GSE1: variants seen among roughly 807,000 people sequenced by gnomAD.
GSE1 encodes genetic suppressor element 1.
A neutral mutation model predicts 112.6 loss-of-function variants in GSE1; 32 were observed. That is an observed-to-expected ratio of 0.28 (90% CI 0.21 to 0.38). The LOEUF is 0.38. Among genes scored for constraint, GSE1 ranks in the 10% least tolerant of loss-of-function variants. The pLI, the probability that GSE1 is intolerant of heterozygous loss-of-function variation, is 1.00. For missense variants in GSE1, 2,348 were observed against 1,699.2 expected (o/e 1.38, Z -6.71); for synonymous variants, 1,115 against 735.6 (o/e 1.52, Z -8.35).
chr16:85,620,849 C>T (rs2048687856), intron 1 of GSE1, among the ~76,000 whole-genome samples: 1 of 152,002 alleles, frequency 6.6e-6, no homozygotes, highest in Admixed American at 6.5e-5. Context: ...ATGGTCTTGG[C>T]CATGGGTGTC....
intron 1 of GSE1, among the ~76,000 whole-genome samples, chr16:85,319,170 G>A (rs530591697): frequency 1.6e-4 from 25 of 152,304 alleles, no homozygotes; most frequent in African/African-American, 5.3e-4. Context: ...ATGCCCAGGC[G>A]GTAGATTGAG....
At chr16:85,652,228 G>A (rs974692357) in intron 3 of GSE1, among the ~76,000 whole-genome samples, 3 of 152,354 alleles carry the variant, frequency 2.0e-5, no homozygotes, top group East Asian at 1.9e-4. Flanking sequence ...GTGCCGTGAC[G>A]GGCACATGCC....
intron 2 of GSE1, among the ~76,000 whole-genome samples, chr16:85,460,392 AG>A (rs1354933604): frequency 6.6e-6 from 1 of 152,224 alleles, no homozygotes; most frequent in Non-Finnish European, 1.5e-5. Flanking sequence ...CCCGTCGAGC[AG>A]GGGTGACCAC....
At chr16:85,323,246 C>T (rs113763558) in intron 1 of GSE1, among the ~76,000 whole-genome samples, 1,670 of 152,152 alleles carry the variant, frequency 0.011, 31 homozygotes, top group African/African-American at 0.038. Context: ...GTGCTGTCTC[C>T]GGGTGGGAGA....
intron 2 of GSE1, among the ~76,000 whole-genome samples, chr16:85,400,158 G>T (rs967868628): frequency 1.3e-5 from 2 of 152,214 alleles, no homozygotes; most frequent in Non-Finnish European, 2.9e-5. Flanking sequence ...GCAAAAAAAC[G>T]GAGAATGATC....
intron 1 of GSE1, among the ~76,000 whole-genome samples, chr16:85,303,833 G>A (rs2045591699): frequency 6.6e-6 from 1 of 152,238 alleles, no homozygotes. Flanking sequence ...GCGGGGTTGC[G>A]AGGGTTGCAT....
chr16:85,612,076 T>C (rs1165080386), upstream of GSE1, among the ~76,000 whole-genome samples: 1 of 149,612 alleles, frequency 6.7e-6, no homozygotes, highest in East Asian at 2.0e-4. Context: ...ATCAGAGGGG[T>C]GTTGGAAGAG....
At chr16:85,186,359 T>C (rs1047146380) in intron 1 of GSE1, among the ~76,000 whole-genome samples, 2 of 151,876 alleles carry the variant, frequency 1.3e-5, no homozygotes, top group Non-Finnish European at 2.9e-5. Context: ...AATCCCAGCA[T>C]TTTACGAGGC....
At chr16:85,483,036 G>T (rs2050731185) in intron 2 of GSE1, among the ~76,000 whole-genome samples, 1 of 151,924 alleles carries the variant, frequency 6.6e-6, no homozygotes, top group South Asian at 2.1e-4. Context: ...GCTACATCTG[G>T]AAGATTCCAC....
chr16:85,473,486 G>A (rs571110652), intron 2 of GSE1, among the ~76,000 whole-genome samples: 1 of 152,172 alleles, frequency 6.6e-6, no homozygotes, highest in African/African-American at 2.4e-5. Flanking sequence ...GGCAGGGCCG[G>A]GCTCTCTCCA....
upstream of GSE1, among the ~76,000 whole-genome samples, chr16:85,553,049 CT>C (rs11431375): frequency 2.5e-4 from 37 of 150,002 alleles, no homozygotes; most frequent in East Asian, 3.5e-3. Flanking sequence ...AAATAGTTTT[CT>C]TTTTTTTTTC....
chr16:85,384,918 GATCCGGCCTTGC>G (rs2047652915), intron 2 of GSE1, among the ~76,000 whole-genome samples: 1 of 152,384 alleles, frequency 6.6e-6, no homozygotes, highest in East Asian at 1.9e-4. Context: ...GCAGGTAGGA[GATCCGGCCTTGC>G]ATCCGGCCTG....
chr16:85,295,947 G>A (rs1170282955), intron 1 of GSE1, among the ~76,000 whole-genome samples: 2 of 151,998 alleles, frequency 1.3e-5, no homozygotes, highest in Non-Finnish European at 2.9e-5. Flanking sequence ...GCCCTTATTT[G>A]TAAAAGGAAG....
chr16:85,281,221 G>A (rs1275156865), intron 1 of GSE1, among the ~76,000 whole-genome samples: 1 of 152,140 alleles, frequency 6.6e-6, no homozygotes, highest in African/African-American at 2.4e-5. Context: ...TCCGAGGCCT[G>A]CAGAAGCCCT....
Position 85,642,545 on chromosome 16 carries a change from G to C in GSE1, c.227-6007G>C, listed in dbSNP as rs1254460307. On this transcript the variant is annotated intron_variant, in intron 2 of 15. Transcript: ENST00000253458. ...CATCTGTTCAAGCTGCCCCTCACCTGTGTCTCCATCGGCAGCATGGGCTAG... is the reference window on the plus strand; with the variant it reads ...CATCTGTTCAAGCTGCCCCTCACCTCTGTCTCCATCGGCAGCATGGGCTAG... Among the ~76,000 whole-genome samples, 5 of 152,324 alleles carry C rather than the reference G, an allele frequency of 3.3e-5. No individual in the cohort carries two copies. The East Asian group carries it at 9.7e-4, about 29-fold the overall frequency.
At chr16:85,516,867 C>G (rs1008951109) in intron 2 of GSE1, among the ~76,000 whole-genome samples, 5 of 150,414 alleles carry the variant, frequency 3.3e-5, no homozygotes, top group South Asian at 2.1e-4. Flanking sequence ...GCGTGATCTC[C>G]ACTTACTGCA....
At chr16:85,199,973 C>T (rs1190557696) in intron 1 of GSE1, among the ~76,000 whole-genome samples, 2 of 152,172 alleles carry the variant, frequency 1.3e-5, no homozygotes, top group African/African-American at 4.8e-5. Flanking sequence ...CCAGAAGACG[C>T]AGCCACCAGC....
chr16:85,344,050 C>T (rs1261374364), intron 1 of GSE1, among the ~76,000 whole-genome samples: 6 of 152,200 alleles, frequency 3.9e-5, no homozygotes, highest in Admixed American at 1.3e-4. Context: ...TCTCCTTCAG[C>T]GGCTGTGCTG....
intron 2 of GSE1, among the ~76,000 whole-genome samples, chr16:85,509,894 T>G (rs2051674492): frequency 6.6e-6 from 1 of 152,234 alleles, no homozygotes; most frequent in South Asian, 2.1e-4. Flanking sequence ...CTTCGTCCCC[T>G]GCAGACGGTT....
Sources: allele counts gnomAD v4.1 joint callset (sites outside exome capture counted in the v4.1 genomes callset), GRCh38; gene constraint gnomAD v4.1.1; transcripts MANE v1.5; gene names NCBI Gene and HGNC (gene_info 2026-07-23, HGNC 2026-07-21).